GRID2IP: variants seen among roughly 807,000 people sequenced by gnomAD.
GRID2IP encodes the protein Grid2 interacting protein, also known as delphilin.
GRID2IP carries 78 observed loss-of-function variants against 114.3 expected under a neutral mutation model. The ratio of observed to expected loss-of-function variants is 0.68; its 90% CI spans 0.57 to 0.82. The LOEUF is 0.82. GRID2IP is among the 40% of genes least tolerant of loss of function. The pLI is 0.00. For synonymous variants in GRID2IP, 809 were observed against 724.0 expected, an observed-to-expected ratio of 1.12 and a Z score of -1.89; for missense variants, 1,727 against 1,678.5, an observed-to-expected ratio of 1.03 and a Z score of -0.51.
chr7:6,541,830 A>G (rs888103016), intron 1 of GRID2IP, among the ~76,000 whole-genome samples: 3 of 152,208 alleles, frequency 2.0e-5, no homozygotes, highest in Non-Finnish European at 4.4e-5. Context: ...TTTATCTTAC[A>G]CACATCCTGA....
intron 10 of GRID2IP, 79 bp downstream of exon 10, chr7:6,510,530 G>T: frequency 7.5e-7 from 1 of 1,325,706 alleles, no homozygotes. Flanking sequence ...CCTTGGCCTG[G>T]GTCTCCTGGG....
chr7:6,529,663 A>G (rs1363523512), intron 2 of GRID2IP, among the ~76,000 whole-genome samples: 1 of 152,106 alleles, frequency 6.6e-6, no homozygotes, highest in Admixed American at 6.6e-5. Context: ...GGTCTGCCCT[A>G]AATCGACTGA....
At chr7:6,499,134 A>G (rs765004447) in intron 20 of GRID2IP, among the ~76,000 whole-genome samples, 8 of 152,152 alleles carry the variant, frequency 5.3e-5, no homozygotes, top group Non-Finnish European at 1.2e-4. Context: ...GAGGTAGATT[A>G]TCTCTATTTT....
At position 6,526,609 on chromosome 7, in the gene GRID2IP, T is replaced by C; in HGVS notation, c.745A>G (p.Ser249Gly). 8.3e-7 allele frequency: 1 copy of C among 1,200,272 alleles called. No homozygotes were observed. Among genetic ancestry groups the C allele is most frequent in the African/African-American group, 1.6e-5 (1 of 62,686 alleles). The allele number at this position is 1,200,272 out of a possible 1,614,324, so 74.4% of individuals were successfully genotyped here. Residue 249 changes from serine (S) to glycine (G), a missense_variant, in exon 3 of 22, where the codon AGC becomes GGC. Physicochemically the swap from Ser to Gly is moderately conservative, Grantham distance 56. Coordinates refer to ENST00000457091, the MANE Select transcript of GRID2IP (RefSeq NM_001145118.2). The surrounding 1 kb of genome is among the most constrained non-coding windows in gnomAD (Gnocchi z 7.6). Reference protein sequence around the residue: ...PERLLVSTRASAPPRRPDEPP... With the variant: ...PERLLVSTRAGAPPRRPDEPP... The stretch of plus-strand genomic sequence containing the variant: ...TCATCGGGGCGGCGCGGCGGGGCGC[T>C]GGCGCGCGTGGACACCAGGAGGCGC...
intron 2 of GRID2IP, among the ~76,000 whole-genome samples, chr7:6,535,179 C>T (rs973586777): frequency 1.3e-5 from 2 of 152,094 alleles, no homozygotes; most frequent in Non-Finnish European, 2.9e-5. Flanking sequence ...GCCACCGCGC[C>T]GGGCCTTGCC....
rs1786664364 is a variant in GRID2IP at position 6,508,549 on chromosome 7, A to C, written c.2128-148T>G. On this transcript the variant is annotated intron_variant, in intron 12 of 21. Coordinates refer to ENST00000457091, the MANE Select transcript of GRID2IP (RefSeq NM_001145118.2). This position sits in a 1 kb window ranked among gnomAD's most constrained non-coding sequence, Gnocchi z 5.6. Reference sequence around the variant, plus strand: ...CAGGCTGTGAGGGACACCTGGGCTAAGGATAGGACTGTCTCACAGGTTAAC... The same window carrying C: ...CAGGCTGTGAGGGACACCTGGGCTACGGATAGGACTGTCTCACAGGTTAAC... 5.2e-6 allele frequency: 7 copies of C among 1,337,964 alleles called. No individual in the cohort carries two copies. The highest frequency in any genetic ancestry group is 4.0e-6 in the Non-Finnish European group (4 of 993,030). 82.9% of individuals were successfully genotyped at this position (1,337,964 alleles called of 1,614,324 possible). A position where few individuals can be genotyped will look rare whatever the true frequency, so the allele number is the denominator to read the frequency against.
Position 6,519,066 on chromosome 7 carries a change from G to T in GRID2IP, c.1268+1512C>A, listed in dbSNP as rs565609939. On this transcript the variant is annotated intron_variant, in intron 7 of 21. Transcript: ENST00000457091. This position sits in a 1 kb window ranked among gnomAD's most constrained non-coding sequence, Gnocchi z 4.1. ...CCCAAGTAGCTGGAACTACAGGTGC[G>T]CACCACCATGCCCAGCTAATTTTTT... 6.6e-6 allele frequency among the ~76,000 whole-genome samples: 1 copy of T among 151,856 alleles called. No homozygotes were observed. Among genetic ancestry groups the T allele is most frequent in the Admixed American group, 6.6e-5 (1 of 15,240 alleles).
chr7:6,497,008 C>T lies in GRID2IP; in HGVS notation c.*766G>A, dbSNP rs1344430791. ...CATGACTTGCTCCAGGGAACATCAC[C>T]ATCCGTCCAGGTGAGAAGTCTGGCA... On this transcript the variant is annotated 3_prime_UTR_variant, in exon 22 of 22. Transcript: ENST00000457091. 1.3e-5 allele frequency among the ~76,000 whole-genome samples: 2 copies of T among 152,162 alleles called. No homozygotes were observed. The highest frequency in any genetic ancestry group is 2.9e-5 in the Non-Finnish European group (2 of 68,018).
At position 6,522,059 on chromosome 7, in the gene GRID2IP, C is replaced by G. The variant is rs1779423001; in HGVS notation, c.920-102G>C. On this transcript the variant is annotated intron_variant, in intron 4 of 21. Transcript: ENST00000457091. ...CAGGCGAGAAATGGAGACTCAGAGA[C>G]CCATAGCTTGCCGGGCATGGTGGCT... The G allele has an allele frequency of 1.1e-5, 10 of 942,582 alleles. No individual in the cohort carries two copies. In the East Asian group the frequency reaches 2.4e-4, roughly 23 times the overall value. 58.4% of individuals were successfully genotyped at this position (942,582 alleles called of 1,614,324 possible).
At position 6,497,636 on chromosome 7, in the gene GRID2IP, G is replaced by A. The variant is rs921500253; in HGVS notation, c.*138C>T. On this transcript the variant is annotated 3_prime_UTR_variant, in exon 22 of 22. Transcript: ENST00000457091. The stretch of plus-strand genomic sequence containing the variant: ...GAGGAGGGCCCGACCACAGCTCGGC[G>A]GCTGAGGTAGCTGCAGGAGAGGCTG... 10 of 602,988 alleles carry A rather than the reference G, an allele frequency of 1.7e-5. No individual in the cohort carries two copies. Among genetic ancestry groups the A allele is most frequent in the African/African-American group, 7.6e-5 (4 of 52,392 alleles). 37.4% of individuals were successfully genotyped at this position (602,988 alleles called of 1,614,324 possible). A position where few individuals can be genotyped will look rare whatever the true frequency, so the allele number is the denominator to read the frequency against.
At position 6,508,911 on chromosome 7, in the gene GRID2IP, C is replaced by A; in HGVS notation, c.2127+47G>T. ...GGAACACTGTTGCCTTGCAGACCGC[C>A]ACACCTCGCCTCACCCGCCTCCCTC... On this transcript the variant is annotated intron_variant, in intron 12 of 21. Coordinates refer to ENST00000457091, the MANE Select transcript of GRID2IP (RefSeq NM_001145118.2). The surrounding 1 kb of genome is among the most constrained non-coding windows in gnomAD (Gnocchi z 5.6). 2 of 1,518,862 alleles carry A rather than the reference C, an allele frequency of 1.3e-6. No individual in the cohort carries two copies. The highest frequency in any genetic ancestry group is 1.2e-5 in the South Asian group (1 of 80,222). 94.1% of individuals were successfully genotyped at this position (1,518,862 alleles called of 1,614,324 possible). A position where few individuals can be genotyped will look rare whatever the true frequency, so the allele number is the denominator to read the frequency against.
intron 7 of GRID2IP, among the ~76,000 whole-genome samples, chr7:6,517,009 C>T (rs886584718): frequency 6.6e-6 from 1 of 151,912 alleles, no homozygotes; most frequent in Non-Finnish European, 1.5e-5. Context: ...GGTAGTGGTC[C>T]CCCGGGCCCA....
chr7:6,502,746 T>G (rs1462553796), intron 18 of GRID2IP, 40 bp downstream of exon 18: 1 of 1,446,612 alleles, frequency 6.9e-7, no homozygotes, highest in Non-Finnish European at 9.5e-7. Context: ...GCCTTGCTGG[T>G]AGAGCAAACC....
rs1039913323 is a variant in GRID2IP, at chr7:6,526,827, C to G, written c.585-58G>C. ...TCCCGGACCCCGGATCTCTGCAAAC[C>G]GCGGCCCGAAGGCGCGTCCTCGCGG... On this transcript the variant is annotated intron_variant, in intron 2 of 21. Coordinates refer to ENST00000457091, the MANE Select transcript of GRID2IP (RefSeq NM_001145118.2). The surrounding 1 kb of genome is among the most constrained non-coding windows in gnomAD (Gnocchi z 7.6). 1.3e-4 allele frequency: 178 copies of G among 1,417,704 alleles called. No homozygotes were observed. Among genetic ancestry groups the G allele is most frequent in the Non-Finnish European group, 1.6e-4 (170 of 1,086,880 alleles). 87.8% of individuals were successfully genotyped at this position (1,417,704 alleles called of 1,614,324 possible).
Position 6,520,793 on chromosome 7 carries a change from T to A in GRID2IP, c.1085-32A>T. On this transcript the variant is annotated intron_variant, in intron 6 of 21. Coordinates refer to ENST00000457091, the MANE Select transcript of GRID2IP (RefSeq NM_001145118.2). This position sits in a 1 kb window ranked among gnomAD's most constrained non-coding sequence, Gnocchi z 4.6. Reference sequence around the variant, plus strand: ...GGACCACAGGCGGGAGAGGCATGAGTGACTCAGAGTCCCCAGGCCAGGTGT... The same window carrying A: ...GGACCACAGGCGGGAGAGGCATGAGAGACTCAGAGTCCCCAGGCCAGGTGT... The A allele has an allele frequency of 6.5e-7, 1 of 1,534,054 alleles. No homozygotes were observed. The highest frequency in any genetic ancestry group is 8.8e-7 in the Non-Finnish European group (1 of 1,134,748).
chr7:6,548,884 C>T (rs903494778), intron 1 of GRID2IP, among the ~76,000 whole-genome samples: 2 of 151,968 alleles, frequency 1.3e-5, no homozygotes, highest in African/African-American at 2.4e-5. Context: ...GTGTCCCAGC[C>T]GCCAAGCAAA....
intron 20 of GRID2IP, among the ~76,000 whole-genome samples, chr7:6,500,413 G>A (rs563549370): frequency 6.6e-6 from 1 of 152,250 alleles, no homozygotes; most frequent in Non-Finnish European, 1.5e-5. Context: ...GCAGTGAGCC[G>A]AGATCGCACC....
chr7:6,500,481 C>T (rs972155924), intron 20 of GRID2IP, among the ~76,000 whole-genome samples: 9 of 152,030 alleles, frequency 5.9e-5, no homozygotes, highest in African/African-American at 1.7e-4. Flanking sequence ...AACAAAAATC[C>T]GGGTGTGAAG....
intron 18 of GRID2IP, 46 bp from the exon 19 acceptor site, chr7:6,502,164 A>G: frequency 6.6e-7 from 1 of 1,515,526 alleles, no homozygotes; most frequent in Non-Finnish European, 8.9e-7. Context: ...ACCCCATCAG[A>G]TGGGGTCACA....
Sources: allele counts gnomAD v4.1 joint callset (sites outside exome capture counted in the v4.1 genomes callset), GRCh38; gene constraint gnomAD v4.1.1; non-coding constraint Gnocchi (gnomAD v3.1); transcripts MANE v1.5; gene names NCBI Gene and HGNC (gene_info 2026-07-23, HGNC 2026-07-21).